Variants in CRYBG3 observed in about 807,000 individuals in gnomAD.
CRYBG3 encodes crystallin beta-gamma domain containing 3.
CRYBG3 carries 127 observed loss-of-function variants against 244.2 expected under a neutral mutation model. The observed-to-expected ratio is 0.52, with a 90% CI of 0.45 to 0.60. The LOEUF (loss-of-function observed/expected upper bound fraction) is 0.60. CRYBG3 is among the 20% of genes least tolerant of loss of function. The pLI is 0.00. For missense variants in CRYBG3, 3,325 were observed against 3,442.5 expected (o/e 0.97, Z 0.85); for synonymous variants, 1,132 against 1,195.8 (o/e 0.95, Z 1.10).
At chr3:97,938,925 C>A (rs116019352) in intron 19 of CRYBG3, among the ~76,000 whole-genome samples, 2,033 of 152,046 alleles carry the variant, frequency 0.013, 45 homozygotes, top group African/African-American at 0.047. Context: ...TTATTCCCCA[C>A]TCCTATCATG....
At chr3:97,895,854 C>A (rs2039633885) in intron 11 of CRYBG3, 105 bp from the exon 12 acceptor site, 2 of 965,868 alleles carry the variant, frequency 2.1e-6, no homozygotes, top group East Asian at 2.5e-5. Flanking sequence ...TTGCTTTTTA[C>A]AATATGGAGA....
rs577537149 is a variant in CRYBG3, at chr3:97,831,920, C to T, written c.149+9565C>T. On this transcript the variant is annotated intron_variant, in intron 1 of 21. Transcript: ENST00000389622. ...TTCCTCTTATTAATTGCTTTACCATCGTTTCCATGGGACAGAGTTAAACAT... is the reference window on the plus strand; with the variant it reads ...TTCCTCTTATTAATTGCTTTACCATTGTTTCCATGGGACAGAGTTAAACAT... Among the ~76,000 whole-genome samples the T allele has an allele frequency of 4.6e-5, 7 of 151,962 alleles. No individual in the cohort carries two copies. In the South Asian group the frequency reaches 1.5e-3, roughly 32 times the overall value.
intron 15 of CRYBG3, among the ~76,000 whole-genome samples, chr3:97,910,054 C>T (rs1269956565): frequency 1.3e-4 from 19 of 151,710 alleles, no homozygotes; most frequent in African/African-American, 3.7e-4. Context: ...CCCAGTTAGG[C>T]TGCTCAGGGG....
intron 3 of CRYBG3, among the ~76,000 whole-genome samples, chr3:97,869,384 A>C (rs2039274363): frequency 6.6e-6 from 1 of 152,058 alleles, no homozygotes; most frequent in South Asian, 2.1e-4. Context: ...GGTACAAAAC[A>C]TTTTTTTCCA....
At chr3:97,871,297 A>T (rs535835555) in intron 3 of CRYBG3, among the ~76,000 whole-genome samples, 1 of 152,344 alleles carries the variant, frequency 6.6e-6, no homozygotes, top group East Asian at 1.9e-4. Flanking sequence ...TGAGTTAACA[A>T]ATACATACTG....
chr3:97,925,709 T>G (rs1352874201), intron 17 of CRYBG3, among the ~76,000 whole-genome samples: 2 of 152,044 alleles, frequency 1.3e-5, no homozygotes, highest in Non-Finnish European at 2.9e-5. Context: ...CTGGGGGTGG[T>G]GGGAGTTTAA....
rs767180193 is a variant in CRYBG3 at position 97,872,821 on chromosome 3, A to T, written c.1627A>T (p.Ser543Cys). The change falls in exon 4 of 22, where the codon AGT becomes TGT. Residue 543 changes from serine (S) to cysteine (C), a missense_variant. Physicochemically the swap from Ser to Cys is moderately radical, Grantham distance 112. Coordinates refer to ENST00000389622, the MANE Select transcript of CRYBG3 (RefSeq NM_153605.4). ...SASAGESIAS[S>C]HVKAPEDKIE... ...CTCAGCTGGTGAATCCATAGCTTCA[A>T]GTCATGTAAAAGCTCCAGAAGATAA... The T allele has an allele frequency of 1.5e-5, 23 of 1,536,010 alleles. 2 individuals carry two copies. The South Asian group carries it at 2.6e-4, about 17-fold the overall frequency.
intron 3 of CRYBG3, among the ~76,000 whole-genome samples, chr3:97,870,527 C>T (rs949485977): frequency 6.6e-6 from 1 of 152,082 alleles, no homozygotes; most frequent in Non-Finnish European, 1.5e-5. Flanking sequence ...TTTTCTTTAT[C>T]CAATCTACCA....
chr3:97,886,491 A>G, intron 7 of CRYBG3, 140 bp from the exon 8 acceptor site: 1 of 606,440 alleles, frequency 1.6e-6, no homozygotes. Context: ...GGTGAGGAGA[A>G]ACAATATTTC....
At chr3:97,917,349 T>A (rs777361678) in intron 17 of CRYBG3, among the ~76,000 whole-genome samples, 7 of 152,178 alleles carry the variant, frequency 4.6e-5, no homozygotes, top group Non-Finnish European at 1.0e-4. Context: ...AAGGTGCCTA[T>A]TGGGAAGTAC....
chr3:97,850,307 A>G (rs2108182991), intron 2 of CRYBG3, among the ~76,000 whole-genome samples: 1 of 152,140 alleles, frequency 6.6e-6, no homozygotes, highest in East Asian at 1.9e-4. Context: ...TCTCTGATAC[A>G]TATGAGAGGT....
At chr3:97,907,727 G>T (rs1257641930) in intron 15 of CRYBG3, among the ~76,000 whole-genome samples, 10 of 152,038 alleles carry the variant, frequency 6.6e-5, no homozygotes, top group African/African-American at 9.7e-5. Flanking sequence ...TTTGAAGGGT[G>T]TTTTGTGTCT....
chr3:97,830,445 T>C (rs189391983), intron 1 of CRYBG3, among the ~76,000 whole-genome samples: 1 of 152,250 alleles, frequency 6.6e-6, no homozygotes, highest in East Asian at 1.9e-4. Context: ...AGACCACCTA[T>C]TTTTGGACTT....
At chr3:97,859,253 G>A (rs1382058069) in intron 2 of CRYBG3, among the ~76,000 whole-genome samples, 1 of 152,146 alleles carries the variant, frequency 6.6e-6, no homozygotes, top group East Asian at 1.9e-4. Flanking sequence ...CACTGGTAGT[G>A]TCAGGCTCCT....
At chr3:97,844,044 T>C (rs939728565) in intron 2 of CRYBG3, among the ~76,000 whole-genome samples, 1 of 152,196 alleles carries the variant, frequency 6.6e-6, no homozygotes, top group African/African-American at 2.4e-5. Context: ...GAAAAGTTAT[T>C]TCAATTCTTC....
intron 19 of CRYBG3, among the ~76,000 whole-genome samples, chr3:97,939,317 AGGT>A (rs1446224513): frequency 6.6e-6 from 1 of 152,038 alleles, no homozygotes; most frequent in Non-Finnish European, 1.5e-5. Context: ...TTGTTTATTT[AGGT>A]CACAGTTTTG....
intron 3 of CRYBG3, among the ~76,000 whole-genome samples, chr3:97,870,419 T>A (rs1328454391): frequency 6.6e-6 from 1 of 152,182 alleles, no homozygotes; most frequent in East Asian, 1.9e-4. Context: ...GTTAATTCAC[T>A]TAGGATAATG....
intron 2 of CRYBG3, among the ~76,000 whole-genome samples, chr3:97,851,468 A>G (rs1410369370): frequency 2.6e-5 from 4 of 152,228 alleles, no homozygotes; most frequent in African/African-American, 9.6e-5. Flanking sequence ...TATTAGGGAT[A>G]TACACTGGAA....
chr3:97,906,244 A>G (rs1362148893), intron 15 of CRYBG3, among the ~76,000 whole-genome samples: 2 of 130,076 alleles, frequency 1.5e-5, no homozygotes, highest in Non-Finnish European at 3.4e-5. Context: ...TTTTGGTTCC[A>G]TATGAACTTT....
Sources: allele counts gnomAD v4.1 joint callset (sites outside exome capture counted in the v4.1 genomes callset), GRCh38; gene constraint gnomAD v4.1.1; transcripts MANE v1.5; gene names NCBI Gene and HGNC (gene_info 2026-07-23, HGNC 2026-07-21).